Variants in PTPRA observed in about 807,000 individuals in gnomAD.
PTPRA encodes the protein protein tyrosine phosphatase receptor type A, also known as receptor-type tyrosine-protein phosphatase alpha.
Under a neutral mutation model 104.8 loss-of-function variants are expected in PTPRA, and 25 were observed. The observed-to-expected ratio is 0.24, with a 90% confidence interval of 0.17 to 0.33. The LOEUF (loss-of-function observed/expected upper bound fraction) is 0.33. PTPRA is among the 10% of genes least tolerant of loss of function. The pLI is 1.00. For missense variants in PTPRA, 765 were observed against 1,015.3 expected (o/e 0.75, Z 3.35); for synonymous variants, 323 against 368.9 (o/e 0.88, Z 1.43).
chr20:3,011,409 G>A (rs1411946671), intron 11 of PTPRA, among the ~76,000 whole-genome samples: 1 of 152,230 alleles, frequency 6.6e-6, no homozygotes, highest in Non-Finnish European at 1.5e-5. Context: ...ATACTACACA[G>A]GTAGTTAGGT....
At position 2,978,551 on chromosome 20, in the gene PTPRA, G is replaced by T. The variant is rs147917376; in HGVS notation, c.442+3310G>T. Among the ~76,000 whole-genome samples the T allele has an allele frequency of 1.3e-3, 201 of 152,240 alleles. 1 individual carries two copies. The highest frequency in any genetic ancestry group is 4.4e-3 in the African/African-American group (184 of 41,546). ...CCTTAAGTCACTCACCTGTTTAGAG[G>T]TGAGCCCTTCAATTAATATGGCCCT... is the stretch of plus-strand genomic sequence containing the variant. On this transcript the variant is annotated intron_variant, in intron 6 of 23. Coordinates refer to ENST00000399903, the MANE Select transcript of PTPRA (RefSeq NM_001385305.1).
intron 2 of PTPRA, among the ~76,000 whole-genome samples, chr20:2,928,828 C>T: frequency 6.8e-6 from 1 of 146,968 alleles, no homozygotes. Context: ...CTTTTTTTCT[C>T]TCTTTTTTTT....
intron 1 of PTPRA, among the ~76,000 whole-genome samples, chr20:2,890,860 T>C (rs1311061860): frequency 6.6e-6 from 1 of 152,214 alleles, no homozygotes; most frequent in African/African-American, 2.4e-5. Context: ...GTGTTGATTC[T>C]ACACGTTCTT....
rs35272226 is a variant in PTPRA, at chr20:2,914,445, C to CTGTGTG, written c.-128-8732_-128-8727dup. 9.3e-3 allele frequency among the ~76,000 whole-genome samples: 1,358 copies of CTGTGTG among 145,696 alleles called. 23 individuals carry two copies. The highest frequency in any genetic ancestry group is 0.028 in the African/African-American group (1,105 of 39,788). On this transcript the variant is annotated intron_variant, in intron 1 of 23. Transcript: ENST00000399903. Reference sequence around the variant, plus strand: ...TAGACTCATTTTTTTATTTCTTGCTCTGTGTGTGTGTGTGTGTGTGTGTGT... The same window carrying CTGTGTG: ...TAGACTCATTTTTTTATTTCTTGCTCTGTGTGTGTGTGTGTGTGTGTGTGTGTGTGT...
intron 12 of PTPRA, 55 bp downstream of exon 12, chr20:3,015,940 T>C (rs2064423562): frequency 2.0e-6 from 3 of 1,503,828 alleles, no homozygotes; most frequent in Non-Finnish European, 2.8e-6. Flanking sequence ...CATAATGGGT[T>C]TGGTTTTTTT....
At chr20:2,866,672 G>A in the PTPRA span, 1 of 1,535,358 alleles carries the variant, frequency 6.5e-7, no homozygotes, top group Non-Finnish European at 8.8e-7. Flanking sequence ...CTAGAGCAAT[G>A]CTGAGGAGCG....
chr20:3,019,286 T>G (rs2064699690), intron 13 of PTPRA, among the ~76,000 whole-genome samples: 3 of 146,284 alleles, frequency 2.1e-5, no homozygotes, highest in African/African-American at 2.5e-5. Context: ...ACGAGGTGGC[T>G]GCCGGGCAGA....
chr20:2,887,137 C>T (rs981133797), intron 1 of PTPRA, among the ~76,000 whole-genome samples: 7 of 152,052 alleles, frequency 4.6e-5, no homozygotes, highest in Admixed American at 1.3e-4. Flanking sequence ...ATTTTTCAAA[C>T]ATAATGAGAA....
chr20:2,979,382 C>T (rs1469943712), intron 6 of PTPRA, among the ~76,000 whole-genome samples: 1 of 152,222 alleles, frequency 6.6e-6, no homozygotes, highest in Non-Finnish European at 1.5e-5. Context: ...ATTGGATCTC[C>T]TGGACCTATC....
intron 1 of PTPRA, among the ~76,000 whole-genome samples, chr20:2,884,784 T>A (rs2090275748): frequency 6.6e-6 from 1 of 151,290 alleles, no homozygotes. Flanking sequence ...AGTCAAATGG[T>A]AACTCTCTGG....
chr20:2,989,813 C>G (rs181792495), intron 9 of PTPRA, among the ~76,000 whole-genome samples: 46 of 151,966 alleles, frequency 3.0e-4, no homozygotes, highest in Admixed American at 5.2e-4. Context: ...GTCAGGAGAT[C>G]GAGACCATCC....
At chr20:2,990,100 G>A (rs1237150725) in intron 9 of PTPRA, among the ~76,000 whole-genome samples, 1 of 152,214 alleles carries the variant, frequency 6.6e-6, no homozygotes, top group African/African-American at 2.4e-5. Context: ...ACAGTTAGGG[G>A]TTACAGGTGT....
intron 1 of PTPRA, among the ~76,000 whole-genome samples, chr20:2,922,986 C>G (rs1184462138): frequency 6.6e-6 from 1 of 152,080 alleles, no homozygotes; most frequent in African/African-American, 2.4e-5. Context: ...AGTGCAGTGG[C>G]ACAATCTCAG....
chr20:3,034,521 T>C (rs1285836324), intron 20 of PTPRA, among the ~76,000 whole-genome samples: 2 of 151,684 alleles, frequency 1.3e-5, no homozygotes, highest in African/African-American at 4.8e-5. Context: ...AAAACTAATA[T>C]AATGCCTGAT....
intron 2 of PTPRA, among the ~76,000 whole-genome samples, chr20:2,941,110 A>C (rs1457670940): frequency 1.3e-5 from 2 of 151,832 alleles, no homozygotes; most frequent in African/African-American, 4.8e-5. Flanking sequence ...AACTCACTGC[A>C]ACCTCTGCCT....
chr20:3,022,833 T>A lies in PTPRA; in HGVS notation c.1464+9T>A. ...AGATGGTGCAAACCGATGTGAGTGA[T>A]CTGTGGGTCAGGTGAGGGTGGGGGG... On this transcript the variant is annotated intron_variant, in intron 16 of 23. Transcript: ENST00000399903. This position sits in a 1 kb window ranked among gnomAD's most constrained non-coding sequence, Gnocchi z 4.6. 3 of 1,614,178 alleles carry A rather than the reference T, an allele frequency of 1.9e-6. No homozygotes were observed. The highest frequency in any genetic ancestry group is 2.2e-5 in the East Asian group (1 of 44,888).
intron 1 of PTPRA, among the ~76,000 whole-genome samples, chr20:2,887,895 T>C (rs973464947): frequency 6.6e-6 from 1 of 152,230 alleles, no homozygotes; most frequent in Non-Finnish European, 1.5e-5. Context: ...TGAATGTCCC[T>C]GACTCAGTGC....
At chr20:2,977,502 C>T (rs976430151) in intron 6 of PTPRA, among the ~76,000 whole-genome samples, 1 of 151,548 alleles carries the variant, frequency 6.6e-6, no homozygotes, top group East Asian at 1.9e-4. Flanking sequence ...AAAAATTAAC[C>T]AGGCATGTGG....
intron 5 of PTPRA, among the ~76,000 whole-genome samples, chr20:2,970,818 G>A (rs1399028602): frequency 6.6e-6 from 1 of 152,070 alleles, no homozygotes; most frequent in Non-Finnish European, 1.5e-5. Flanking sequence ...GTGTGTGTGT[G>A]TGTGTGTACA....
Sources: gnomAD v4.1 joint callset for allele counts (sites outside exome capture counted in the v4.1 genomes callset) on GRCh38, gnomAD v4.1.1 for gene constraint, Gnocchi (gnomAD v3.1) non-coding constraint, MANE v1.5 for transcripts, NCBI Gene and HGNC (gene_info 2026-07-23, HGNC 2026-07-21) for gene names.